The following FOXN3 variants were observed in gnomAD, a reference collection of about 807,000 sequenced individuals.
FOXN3 encodes the protein forkhead box N3, also known as forkhead box protein N3.
A neutral mutation model predicts 38.4 loss-of-function variants in FOXN3; 7 were observed. That is an observed-to-expected ratio of 0.18 (90% CI 0.10 to 0.34). The LOEUF is 0.34. FOXN3 is among the 10% of genes least tolerant of loss of function. The probability of loss-of-function intolerance (pLI) is 1.00; values close to 1 mark genes in which losing one functional copy is unlikely to be tolerated. For synonymous variants in FOXN3, 230 were observed against 242.2 expected (o/e 0.95, Z 0.47); for missense variants, 456 against 613.4 (o/e 0.74, Z 2.71).
intron 2 of FOXN3, among the ~76,000 whole-genome samples, chr14:89,378,301 T>C (rs1890543207): frequency 6.6e-6 from 1 of 152,190 alleles, no homozygotes; most frequent in African/African-American, 2.4e-5. Flanking sequence ...GATGATGTCA[T>C]GTCTGCACCA....
chr14:89,378,611 A>C (rs1331715598), intron 2 of FOXN3, among the ~76,000 whole-genome samples: 2 of 152,016 alleles, frequency 1.3e-5, no homozygotes, highest in African/African-American at 2.4e-5. Flanking sequence ...AACTGTGTGC[A>C]TTTTCTCCCT....
At chr14:89,268,728 C>T (rs530831405) in intron 4 of FOXN3, among the ~76,000 whole-genome samples, 12 of 152,230 alleles carry the variant, frequency 7.9e-5, no homozygotes, top group Admixed American at 5.2e-4. Flanking sequence ...GACTGGGCCA[C>T]GTGCCTATCC....
chr14:89,204,052 T>TACAC (rs10559428), intron 4 of FOXN3, among the ~76,000 whole-genome samples: 2,424 of 133,696 alleles, frequency 0.018, 53 homozygotes, highest in Non-Finnish European at 0.025. Flanking sequence ...CATACTCCCT[T>TACAC]ACACACACAC....
At chr14:89,515,742 A>G (rs1365102015) in intron 1 of FOXN3, among the ~76,000 whole-genome samples, 1 of 152,056 alleles carries the variant, frequency 6.6e-6, no homozygotes, top group East Asian at 1.9e-4. Context: ...TCTCAAAAAG[A>G]AAAAAAACAA....
chr14:89,209,856 T>C (rs1888476303), intron 4 of FOXN3, among the ~76,000 whole-genome samples: 2 of 152,232 alleles, frequency 1.3e-5, no homozygotes, highest in South Asian at 4.1e-4. Flanking sequence ...TGCATCTCAA[T>C]ATAAAGTCAC....
At chr14:89,282,080 C>A (rs1038844784) in intron 3 of FOXN3, among the ~76,000 whole-genome samples, 7 of 151,860 alleles carry the variant, frequency 4.6e-5, no homozygotes, top group African/African-American at 1.7e-4. Context: ...GCAGAAATGC[C>A]AATGACACAT....
chr14:89,209,469 A>T (rs1370956714), intron 4 of FOXN3, among the ~76,000 whole-genome samples: 1 of 152,256 alleles, frequency 6.6e-6, no homozygotes, highest in African/African-American at 2.4e-5. Context: ...TGACATAAAC[A>T]GTTTCAGATA....
chr14:89,531,248 T>C (rs1457092769), intron 1 of FOXN3, among the ~76,000 whole-genome samples: 1 of 151,962 alleles, frequency 6.6e-6, no homozygotes, highest in Non-Finnish European at 1.5e-5. Flanking sequence ...ATGTGCAGCG[T>C]AGAAGCCCTG....
intron 4 of FOXN3, among the ~76,000 whole-genome samples, chr14:89,183,172 A>G (rs763558660): frequency 6.6e-6 from 1 of 152,178 alleles, no homozygotes; most frequent in Non-Finnish European, 1.5e-5. Flanking sequence ...GAGGGTTTCC[A>G]TAATTGTGGT....
chr14:89,184,005 T>C (rs1887739964), intron 4 of FOXN3: 1 of 152,166 alleles, frequency 6.6e-6, no homozygotes, highest in African/African-American at 2.4e-5. Context: ...AAAATACATG[T>C]TGGTCATCAA....
chr14:89,582,585 G>A (rs980618719), intron 1 of FOXN3, among the ~76,000 whole-genome samples: 3 of 149,634 alleles, frequency 2.0e-5, no homozygotes, highest in Non-Finnish European at 1.5e-5. Context: ...CACCTCCCGG[G>A]TTCATGCCAT....
chr14:89,226,642 C>A (rs753257542), intron 4 of FOXN3, among the ~76,000 whole-genome samples: 2 of 152,134 alleles, frequency 1.3e-5, no homozygotes, highest in Non-Finnish European at 2.9e-5. Flanking sequence ...CCTCCCCCAA[C>A]CCCAATTCAT....
intron 3 of FOXN3, among the ~76,000 whole-genome samples, chr14:89,294,328 A>C (rs741271): frequency 0.12 from 18,272 of 152,140 alleles, 1,531 homozygotes; most frequent in African/African-American, 0.23. Flanking sequence ...GGGTGGGGGA[A>C]TGGTATCACC....
intron 4 of FOXN3, among the ~76,000 whole-genome samples, chr14:89,279,963 G>T (rs1210534679): frequency 6.6e-6 from 1 of 152,134 alleles, no homozygotes; most frequent in Non-Finnish European, 1.5e-5. Context: ...CCGGCCCTCA[G>T]CCTCTACTTC....
intron 4 of FOXN3, among the ~76,000 whole-genome samples, chr14:89,197,170 C>A (rs1050620806): frequency 1.3e-5 from 2 of 151,998 alleles, no homozygotes; most frequent in Non-Finnish European, 2.9e-5. Context: ...ACAAAAATAC[C>A]AAATAATAGA....
intron 3 of FOXN3, among the ~76,000 whole-genome samples, chr14:89,346,753 C>T (rs951975277): frequency 7.9e-5 from 12 of 152,128 alleles, no homozygotes; most frequent in African/African-American, 2.7e-4. Context: ...GTGGAGAGTT[C>T]CGTCCCACCT....
At chr14:89,261,637 T>C (rs1425002072) in intron 4 of FOXN3, among the ~76,000 whole-genome samples, 3 of 151,494 alleles carry the variant, frequency 2.0e-5, no homozygotes, top group Non-Finnish European at 2.9e-5. Context: ...GTACTAAAAA[T>C]ACAAAAATTA....
At chr14:89,400,968 C>T (rs1169376549) in intron 2 of FOXN3, among the ~76,000 whole-genome samples, 1 of 152,188 alleles carries the variant, frequency 6.6e-6, no homozygotes, top group Non-Finnish European at 1.5e-5. Flanking sequence ...CTCACTGCTA[C>T]CCTATGGAAG....
intron 4 of FOXN3, among the ~76,000 whole-genome samples, chr14:89,213,351 G>C (rs572321566): frequency 6.6e-6 from 1 of 152,344 alleles, no homozygotes; most frequent in South Asian, 2.1e-4. Context: ...ATTCTTAGAG[G>C]CAGGCACTTC....
Sources: allele counts gnomAD v4.1 joint callset (sites outside exome capture counted in the v4.1 genomes callset), GRCh38; gene constraint gnomAD v4.1.1; transcripts MANE v1.5; gene names NCBI Gene and HGNC (gene_info 2026-07-23, HGNC 2026-07-21).